CEP128: variants seen among roughly 807,000 people sequenced by gnomAD.
CEP128 encodes the protein centrosomal protein 128kDa.
CEP128 carries 132 observed loss-of-function variants against 156.7 expected under a neutral mutation model. The ratio of observed to expected loss-of-function variants is 0.84; its 90% CI spans 0.73 to 0.97. The LOEUF is 0.97. Among genes scored for constraint, CEP128 ranks in the 50% least tolerant of loss-of-function variants. The pLI is 0.00. For synonymous variants in CEP128, 469 were observed against 448.9 expected (o/e 1.04, Z -0.57); for missense variants, 1,252 against 1,281.9 (o/e 0.98, Z 0.36).
At chr14:80,935,082 G>A (rs1178394086) in intron 2 of CEP128, among the ~76,000 whole-genome samples, 3 of 152,132 alleles carry the variant, frequency 2.0e-5, no homozygotes, top group Non-Finnish European at 2.9e-5. Flanking sequence ...GGCAGAGCCA[G>A]GATTCAAATC....
intron 19 of CEP128, among the ~76,000 whole-genome samples, chr14:80,718,034 G>C (rs1318366110): frequency 6.6e-6 from 1 of 152,014 alleles, no homozygotes; most frequent in African/African-American, 2.4e-5. Context: ...TATATGTTTT[G>C]TTTGTTTGTT....
chr14:80,904,480 A>AT (rs1883767973), intron 6 of CEP128, among the ~76,000 whole-genome samples: 1 of 152,164 alleles, frequency 6.6e-6, no homozygotes, highest in African/African-American at 2.4e-5. Context: ...ATTTCAAAAT[A>AT]ACTGAGAGAA....
chr14:80,803,168 C>T (rs530757797), intron 13 of CEP128, among the ~76,000 whole-genome samples: 15 of 152,152 alleles, frequency 9.9e-5, no homozygotes, highest in African/African-American at 3.1e-4. Flanking sequence ...TAGGCAAGAC[C>T]GACATCTAAC....
intron 23 of CEP128, among the ~76,000 whole-genome samples, chr14:80,516,750 A>G (rs1268061847): frequency 1.3e-5 from 2 of 152,100 alleles, no homozygotes; most frequent in Non-Finnish European, 2.9e-5. Context: ...AAGTTCCACA[A>G]TCACTGTTCT....
intron 19 of CEP128, among the ~76,000 whole-genome samples, chr14:80,580,703 T>G (rs1327457459): frequency 6.6e-6 from 1 of 152,208 alleles, no homozygotes; most frequent in Non-Finnish European, 1.5e-5. Flanking sequence ...ATTAAAAATC[T>G]GTAATCATAC....
chr14:80,635,347 A>G lies in CEP128; in HGVS notation c.2807-54924T>C, dbSNP rs190618720. On this transcript the variant is annotated intron_variant, in intron 19 of 24. Coordinates refer to ENST00000555265, the MANE Select transcript of CEP128 (RefSeq NM_152446.5). ...ACAGTACATTATAAGATGAATTGAC[A>G]TCATCACTATCACGCAGTCCCAATG... 2.5e-3 allele frequency among the ~76,000 whole-genome samples: 381 copies of G among 152,286 alleles called. 1 individual carries two copies. The highest frequency in any genetic ancestry group is 7.5e-3 in the African/African-American group (311 of 41,566).
rs67715110 is a variant in CEP128 at position 80,907,657 on chromosome 14, C to CAA, written c.235-1578_235-1577dup. Among the ~76,000 whole-genome samples, 281 of 64,266 alleles carry CAA rather than the reference C, an allele frequency of 4.4e-3. 1 individual carries two copies. The highest frequency in any genetic ancestry group is 8.5e-3 in the African/African-American group (146 of 17,104). 42.2% of individuals were successfully genotyped at this position (64,266 alleles called of 152,430 possible). The stretch of plus-strand genomic sequence containing the variant: ...TGGGCGGCAGAGCGAGACTCTGTTT[C>CAA]AAAAAAAAAAAAAAAAAAAAAACCT... On this transcript the variant is annotated intron_variant, in intron 4 of 24. Coordinates refer to ENST00000555265, the MANE Select transcript of CEP128 (RefSeq NM_152446.5).
chr14:80,642,968 A>T (rs10149999), intron 19 of CEP128, among the ~76,000 whole-genome samples: 13,579 of 151,838 alleles, frequency 0.089, 1,934 homozygotes, highest in African/African-American at 0.3. Context: ...GTTAGCCAGG[A>T]TGGTCTGGAT....
At chr14:80,718,693 T>C (rs1897700842) in intron 19 of CEP128, among the ~76,000 whole-genome samples, 1 of 152,182 alleles carries the variant, frequency 6.6e-6, no homozygotes, top group African/African-American at 2.4e-5. Flanking sequence ...CAGTCTCTTC[T>C]GTGAGAACAT....
At chr14:80,882,440 A>G (rs953124646) in intron 8 of CEP128, among the ~76,000 whole-genome samples, 17 of 152,090 alleles carry the variant, frequency 1.1e-4, no homozygotes, top group Admixed American at 1.1e-3. Flanking sequence ...GAGGGTATGG[A>G]AAAAAAGAGA....
At chr14:80,661,653 T>C (rs1895407894) in intron 19 of CEP128, among the ~76,000 whole-genome samples, 1 of 152,186 alleles carries the variant, frequency 6.6e-6, no homozygotes. Context: ...CTGCCCTTTA[T>C]ACAAATATTC....
chr14:80,678,049 A>AAAAATATATAT lies in CEP128; in HGVS notation c.2806+65025_2806+65026insATATATATTTT. ...ATGGACAGTTGCTCTATAAAAAAAA[A>AAAAATATATAT]ATATATATATATATGTATATATATA... On this transcript the variant is annotated intron_variant, in intron 19 of 24. Transcript: ENST00000555265. 8.5e-4 allele frequency among the ~76,000 whole-genome samples: 84 copies of AAAAATATATAT among 98,490 alleles called. 3 individuals carry two copies. Among genetic ancestry groups the AAAAATATATAT allele is most frequent in the Middle Eastern group, 5.3e-3 (1 of 190 alleles). The allele number at this position is 98,490 out of a possible 152,430, so 64.6% of individuals were successfully genotyped here. A position where few individuals can be genotyped will look rare whatever the true frequency, so the allele number is the denominator to read the frequency against.
At chr14:80,711,025 G>A (rs1595263380) in intron 19 of CEP128, among the ~76,000 whole-genome samples, 1 of 152,232 alleles carries the variant, frequency 6.6e-6, no homozygotes, top group East Asian at 1.9e-4. Flanking sequence ...AAGAGAAACA[G>A]TATAGCAGCT....
chr14:80,524,760 A>G (rs1392930014), intron 23 of CEP128, among the ~76,000 whole-genome samples: 2 of 152,184 alleles, frequency 1.3e-5, no homozygotes, highest in Admixed American at 6.5e-5. Flanking sequence ...GCATTGCTAA[A>G]ATGTATCTGT....
chr14:80,581,743 A>G (rs1184319562), intron 19 of CEP128, among the ~76,000 whole-genome samples: 4 of 152,140 alleles, frequency 2.6e-5, no homozygotes, highest in Non-Finnish European at 4.4e-5. Flanking sequence ...AGGGGTTTTG[A>G]TTGGCATATC....
At position 80,723,889 on chromosome 14, in the gene CEP128, TTA is replaced by T. The variant is rs1461326694; in HGVS notation, c.2806+19184_2806+19185del. On this transcript the variant is annotated intron_variant, in intron 19 of 24. Transcript: ENST00000555265. ...CTAACTGGAAGCTATTGCTGAAACC[TTA>T]CACAGTGTCCTGGGAAGTTTTAGCA... 2.6e-5 allele frequency among the ~76,000 whole-genome samples: 4 copies of T among 152,312 alleles called. No homozygotes were observed. The East Asian group carries it at 7.7e-4, about 29-fold the overall frequency.
At chr14:80,757,512 C>A (rs975547686) in intron 17 of CEP128, among the ~76,000 whole-genome samples, 2 of 152,212 alleles carry the variant, frequency 1.3e-5, no homozygotes, top group East Asian at 3.8e-4. Flanking sequence ...ACTTCCTTCA[C>A]GCCAACTCAT....
intron 13 of CEP128, chr14:80,822,588 A>C: frequency 1.4e-6 from 1 of 709,106 alleles, no homozygotes; most frequent in South Asian, 1.4e-5. Context: ...GACGAATCAC[A>C]CAGAAGATCC....
intron 6 of CEP128, 73 bp from the exon 7 acceptor site, chr14:80,900,102 G>T (rs1359548674): frequency 5.3e-6 from 5 of 950,716 alleles, no homozygotes; most frequent in Non-Finnish European, 8.3e-6. Flanking sequence ...CCAAAGGTAA[G>T]AATAAGATCT....
Sources: gnomAD v4.1 joint callset for allele counts (sites outside exome capture counted in the v4.1 genomes callset) on GRCh38, gnomAD v4.1.1 for gene constraint, MANE v1.5 for transcripts, NCBI Gene and HGNC (gene_info 2026-07-23, HGNC 2026-07-21) for gene names.